The following PCDH15 variants were observed in gnomAD, a reference collection of about 807,000 sequenced individuals.
PCDH15 encodes the protein protocadherin-15.
In PCDH15, 129 loss-of-function variants were observed where a neutral mutation model predicts 178.5. The observed-to-expected ratio is 0.72, with a 90% CI of 0.63 to 0.84. The LOEUF (loss-of-function observed/expected upper bound fraction) is 0.84. PCDH15 is among the 40% of genes least tolerant of loss of function. The pLI is 0.00. For synonymous variants in PCDH15, 800 were observed against 732.0 expected, an observed-to-expected ratio of 1.09 and a Z score of -1.50; for missense variants, 2,230 against 2,099.9, an observed-to-expected ratio of 1.06 and a Z score of -1.21.
In PCDH15 at chr10:55,176,676, T is replaced by C. The variant is rs1410311439; in HGVS notation, c.-155-10025A>G. ...CGTTCCAGGATCACTACCTCATTAA[T>C]GACGTTGTGGTTCTAATTCATCTTG... is the stretch of plus-strand genomic sequence containing the variant. On this transcript the variant is annotated intron_variant, in intron 1 of 5. Coordinates refer to the PCDH15 transcript ENST00000458638. Among the ~76,000 whole-genome samples the C allele has an allele frequency of 2.0e-5, 3 of 152,226 alleles. No homozygotes were observed. The East Asian group carries it at 5.8e-4, about 29-fold the overall frequency.
intron 15 of PCDH15, among the ~76,000 whole-genome samples, chr10:54,090,862 G>A (rs2094589753): frequency 6.6e-6 from 1 of 152,168 alleles, no homozygotes; most frequent in East Asian, 1.9e-4. Flanking sequence ...TTTCTAAAAC[G>A]AGGACTATAC....
intron 10 of PCDH15, among the ~76,000 whole-genome samples, chr10:54,205,322 A>G (rs1265824987): frequency 6.6e-6 from 1 of 152,136 alleles, no homozygotes; most frequent in Non-Finnish European, 1.5e-5. Context: ...CTTCACTTTC[A>G]GCAAAGTCTC....
chr10:55,037,144 T>C (rs982882461), intron 2 of PCDH15, among the ~76,000 whole-genome samples: 7 of 152,178 alleles, frequency 4.6e-5, no homozygotes, highest in African/African-American at 1.7e-4. Flanking sequence ...CAAAACTAAT[T>C]ATCCCCTCCC....
At position 53,915,852 on chromosome 10, in the gene PCDH15, C is replaced by T. The variant is rs943745512; in HGVS notation, c.3374-12482G>A. On this transcript the variant is annotated intron_variant, in intron 25 of 37. Transcript: ENST00000644397. ...GATTACAGGTGTGAGCCACTGTGCC[C>T]GGCCCGTATTTGTATAATATATAAT... 6.6e-5 allele frequency among the ~76,000 whole-genome samples: 10 copies of T among 152,170 alleles called. No individual in the cohort carries two copies. The South Asian group carries it at 1.0e-3, about 16-fold the overall frequency.
intron 2 of PCDH15, among the ~76,000 whole-genome samples, chr10:55,598,638 A>G (rs1228579882): frequency 6.7e-6 from 1 of 149,552 alleles, no homozygotes; most frequent in Non-Finnish European, 1.5e-5. Flanking sequence ...CATTTTCTAC[A>G]TCCAGAAATA....
chr10:54,931,559 A>G (rs950115563), intron 2 of PCDH15, among the ~76,000 whole-genome samples: 2 of 152,130 alleles, frequency 1.3e-5, no homozygotes, highest in African/African-American at 2.4e-5. Context: ...CTTACAAACA[A>G]TATCTTTTCT....
intron 21 of PCDH15, 133 bp from the exon 22 acceptor site, chr10:53,962,025 A>T: frequency 1.3e-6 from 1 of 749,188 alleles, no homozygotes; most frequent in Non-Finnish European, 2.2e-6. Context: ...TCATTCTTTC[A>T]GAGCTGAAAT....
chr10:53,926,451 G>A (rs965567487), intron 25 of PCDH15, among the ~76,000 whole-genome samples: 4 of 152,056 alleles, frequency 2.6e-5, no homozygotes, highest in Admixed American at 6.5e-5. Flanking sequence ...ATTATTAAAC[G>A]AGTATCTCAG....
chr10:54,398,139 C>T (rs1951478561), intron 3 of PCDH15, among the ~76,000 whole-genome samples: 1 of 151,580 alleles, frequency 6.6e-6, no homozygotes, highest in East Asian at 1.9e-4. Context: ...ATGTAACTTG[C>T]TTTATTTTTG....
At chr10:54,987,649 C>T (rs7078221) in intron 2 of PCDH15, among the ~76,000 whole-genome samples, 43,658 of 150,790 alleles carry the variant, frequency 0.29, 6,659 homozygotes, top group South Asian at 0.39. Flanking sequence ...GTTTTTTGGC[C>T]GCATAAATGT....
intron 8 of PCDH15, among the ~76,000 whole-genome samples, chr10:54,237,347 T>C (rs956505952): frequency 2.6e-5 from 4 of 152,070 alleles, no homozygotes; most frequent in Non-Finnish European, 4.4e-5. Flanking sequence ...TTTAGTTTCA[T>C]ACACATCAAT....
intron 1 of PCDH15, among the ~76,000 whole-genome samples, chr10:54,738,840 TA>T (rs536880892): frequency 1.4e-3 from 220 of 151,746 alleles, no homozygotes; most frequent in African/African-American, 4.7e-3. Context: ...TTTCCTTCTT[TA>T]AAAAAAAATT....
Position 54,396,652 on chromosome 10 carries a change from T to A in PCDH15, c.158-17710A>T, listed in dbSNP as rs1951267098. Among the ~76,000 whole-genome samples, 3 of 152,078 alleles carry A rather than the reference T, an allele frequency of 2.0e-5. No individual in the cohort carries two copies. The South Asian group carries it at 6.2e-4, about 31-fold the overall frequency. Reference sequence around the variant, plus strand: ...GTCTCTGTGTTAGAAGTTGACATGATATATGAAGGAAAAGGGCCACTTTTT... The same window carrying A: ...GTCTCTGTGTTAGAAGTTGACATGAAATATGAAGGAAAAGGGCCACTTTTT... On this transcript the variant is annotated intron_variant, in intron 3 of 37. Transcript: ENST00000644397.
intron 1 of PCDH15, among the ~76,000 whole-genome samples, chr10:55,296,309 C>T (rs1416274620): frequency 1.3e-5 from 2 of 152,172 alleles, no homozygotes; most frequent in Admixed American, 6.6e-5. Flanking sequence ...TGTAGCCCCT[C>T]TCCTTCCCTG....
At chr10:54,388,630 G>A (rs1950192372) in intron 3 of PCDH15, among the ~76,000 whole-genome samples, 1 of 152,146 alleles carries the variant, frequency 6.6e-6, no homozygotes. Flanking sequence ...CTTCTGAATG[G>A]TAGGCATTGT....
intron 2 of PCDH15, among the ~76,000 whole-genome samples, chr10:55,012,462 C>T (rs965901036): frequency 2.6e-5 from 4 of 152,058 alleles, no homozygotes; most frequent in African/African-American, 9.7e-5. Flanking sequence ...CTCTATAAAG[C>T]CAATGTTTCA....
At chr10:54,067,661 G>A (rs555478496) in intron 17 of PCDH15, among the ~76,000 whole-genome samples, 62 of 152,242 alleles carry the variant, frequency 4.1e-4, no homozygotes, top group Non-Finnish European at 5.3e-4. Context: ...GTCACAGTGT[G>A]GGGCTGATCA....
intron 14 of PCDH15, among the ~76,000 whole-genome samples, chr10:54,150,702 T>C (rs1466211142): frequency 2.0e-5 from 3 of 152,060 alleles, no homozygotes; most frequent in Non-Finnish European, 4.4e-5. Context: ...TTATTTGTTT[T>C]ATATATGTTT....
chr10:55,374,777 T>C (rs1256857971), intron 2 of PCDH15, among the ~76,000 whole-genome samples: 3 of 152,166 alleles, frequency 2.0e-5, no homozygotes, highest in Middle Eastern at 3.4e-3. Context: ...ATAATTTTTG[T>C]TGTGAAAAAT....
Sources: gnomAD v4.1 joint callset for allele counts (sites outside exome capture counted in the v4.1 genomes callset) on GRCh38, gnomAD v4.1.1 for gene constraint, MANE v1.5 for transcripts, NCBI Gene and HGNC (gene_info 2026-07-23, HGNC 2026-07-21) for gene names.